Variants in EYS observed in about 807,000 individuals in gnomAD.
EYS encodes the protein protein eyes shut homolog.
In EYS, 250 loss-of-function variants were observed where a neutral mutation model predicts 282.1. That is an observed-to-expected ratio of 0.89 (90% confidence interval 0.80 to 0.98). EYS has a LOEUF of 0.98. Ranked by LOEUF, EYS falls within the 50% of genes least tolerant of loss-of-function variation. The pLI is 0.00. For missense variants in EYS, 4,016 were observed against 3,709.0 expected, an observed-to-expected ratio of 1.08 and a Z score of -2.15; for synonymous variants, 1,355 against 1,282.9, an observed-to-expected ratio of 1.06 and a Z score of -1.20.
chr6:64,309,497 T>C (rs1769588481), intron 29 of EYS, among the ~76,000 whole-genome samples: 1 of 152,246 alleles, frequency 6.6e-6, no homozygotes, highest in South Asian at 2.1e-4. Flanking sequence ...TCTCTAGTTC[T>C]ATCACACATT....
intron 11 of EYS, chr6:65,330,676 A>G (rs1769762727): frequency 1.1e-6 from 1 of 939,982 alleles, no homozygotes; most frequent in African/African-American, 1.8e-5. Flanking sequence ...CATCATCAAC[A>G]TTATTAGTGT....
chr6:65,340,080 A>G, intron 10 of EYS, among the ~76,000 whole-genome samples: 1 of 151,140 alleles, frequency 6.6e-6, no homozygotes, highest in East Asian at 2.0e-4. Context: ...ATCTGGATGA[A>G]TTAAAGTTCA....
intron 22 of EYS, among the ~76,000 whole-genome samples, chr6:64,701,172 C>T (rs1263527492): frequency 2.6e-5 from 4 of 151,794 alleles, no homozygotes; most frequent in East Asian, 1.9e-4. Context: ...TGCCATATGC[C>T]GAATAACATA....
chr6:64,909,094 G>A (rs1162431108), intron 16 of EYS, among the ~76,000 whole-genome samples: 2 of 152,044 alleles, frequency 1.3e-5, no homozygotes, highest in Admixed American at 1.3e-4. Context: ...TAATTAACTG[G>A]TATGTCTCTC....
At chr6:64,897,185 G>A (rs1164245435) in intron 18 of EYS, among the ~76,000 whole-genome samples, 2 of 152,152 alleles carry the variant, frequency 1.3e-5, no homozygotes, top group African/African-American at 2.4e-5. Context: ...GCGGTCGACA[G>A]ACACCTCATA....
At chr6:65,051,414 A>G (rs1313904544) in intron 13 of EYS, among the ~76,000 whole-genome samples, 1 of 151,582 alleles carries the variant, frequency 6.6e-6, no homozygotes, top group Non-Finnish European at 1.5e-5. Context: ...ATTGTGCATC[A>G]TACTTTATTT....
chr6:64,152,751 AT>A (rs145670705), intron 31 of EYS, among the ~76,000 whole-genome samples: 1,751 of 152,286 alleles, frequency 0.011, 35 homozygotes, highest in African/African-American at 0.039. Context: ...AGGAAAACCA[AT>A]GAGATTTTCA....
chr6:65,479,260 T>A (rs1765515182), intron 5 of EYS, among the ~76,000 whole-genome samples: 1 of 152,236 alleles, frequency 6.6e-6, no homozygotes, highest in Admixed American at 6.5e-5. Context: ...AAATAACTCC[T>A]TGGCATATAT....
chr6:64,685,631 C>T (rs1202884472), intron 22 of EYS, among the ~76,000 whole-genome samples: 5 of 152,126 alleles, frequency 3.3e-5, no homozygotes, highest in Non-Finnish European at 7.4e-5. Flanking sequence ...GTGGAAACAG[C>T]CTGAGGCTTT....
intron 36 of EYS, among the ~76,000 whole-genome samples, chr6:63,840,907 A>T (rs907035847): frequency 6.6e-6 from 1 of 152,110 alleles, no homozygotes; most frequent in African/African-American, 2.4e-5. Flanking sequence ...GTGTCTGTTT[A>T]TATGCTAGTA....
intron 2 of EYS, among the ~76,000 whole-genome samples, chr6:65,578,781 T>C (rs354352): frequency 0.75 from 114,409 of 151,844 alleles, 43,950 homozygotes; most frequent in African/African-American, 0.91. Flanking sequence ...ATCTTTCACA[T>C]ATTTAATTTA....
intron 15 of EYS, among the ~76,000 whole-genome samples, chr6:64,943,049 T>G (rs1769150970): frequency 6.6e-6 from 1 of 151,960 alleles, no homozygotes; most frequent in Non-Finnish European, 1.5e-5. Flanking sequence ...GATGAAACTG[T>G]TTCACCAAAC....
At chr6:65,143,763 T>C (rs1324161414) in intron 12 of EYS, among the ~76,000 whole-genome samples, 1 of 151,542 alleles carries the variant, frequency 6.6e-6, no homozygotes, top group Non-Finnish European at 1.5e-5. Flanking sequence ...TATTTCCTTT[T>C]TGCATATGTC....
chr6:65,446,738 T>A (rs1457515590), intron 5 of EYS, among the ~76,000 whole-genome samples: 1 of 151,882 alleles, frequency 6.6e-6, no homozygotes, highest in Non-Finnish European at 1.5e-5. Context: ...AAAGACATGT[T>A]AAAGCAGTGT....
intron 28 of EYS, among the ~76,000 whole-genome samples, chr6:64,417,758 C>T (rs575363601): frequency 6.7e-6 from 1 of 148,242 alleles, no homozygotes; most frequent in African/African-American, 2.5e-5. Context: ...GCAACCTCGG[C>T]CTCCTGGGTT....
At chr6:65,192,293 C>G (rs1765660430) in intron 12 of EYS, among the ~76,000 whole-genome samples, 1 of 142,908 alleles carries the variant, frequency 7.0e-6, no homozygotes, top group East Asian at 2.1e-4. Context: ...TTTTTCTACT[C>G]TGTGTGTGTG....
chr6:65,033,535 G>A (rs13220430), intron 13 of EYS, among the ~76,000 whole-genome samples: 39,377 of 151,996 alleles, frequency 0.26, 6,274 homozygotes, highest in African/African-American at 0.44. Flanking sequence ...GTGGCTCAAA[G>A]GGACCCAGGT....
intron 36 of EYS, among the ~76,000 whole-genome samples, chr6:63,840,250 G>C (rs1392069218): frequency 8.4e-6 from 1 of 118,628 alleles, no homozygotes; most frequent in Non-Finnish European, 1.9e-5. Context: ...ATTTTTAGTA[G>C]AGACAGGGTT....
chr6:65,642,425 G>A (rs1242556967), intron 1 of EYS, among the ~76,000 whole-genome samples: 1 of 151,940 alleles, frequency 6.6e-6, no homozygotes, highest in East Asian at 1.9e-4. Context: ...CAGTCAACGG[G>A]GGCATTACTT....
Sources: gnomAD v4.1 joint callset for allele counts (sites outside exome capture counted in the v4.1 genomes callset) on GRCh38, gnomAD v4.1.1 for gene constraint, MANE v1.5 for transcripts, NCBI Gene and HGNC (gene_info 2026-07-23, HGNC 2026-07-21) for gene names.